DPY19L4: variants seen among roughly 807,000 people sequenced by gnomAD.
DPY19L4 encodes the protein dpy-19 like 4, also known as probable C-mannosyltransferase DPY19L4.
A neutral mutation model predicts 102.8 loss-of-function variants in DPY19L4; 97 were observed. The ratio of observed to expected loss-of-function variants is 0.94; its 90% CI spans 0.80 to 1.12. The LOEUF is 1.12. DPY19L4 is among the 50% of genes most tolerant of loss of function. The pLI, the probability that DPY19L4 is intolerant of heterozygous loss-of-function variation, is 0.00. For missense variants in DPY19L4, 815 were observed against 850.4 expected, an observed-to-expected ratio of 0.96 and a Z score of 0.52; for synonymous variants, 252 against 283.1, an observed-to-expected ratio of 0.89 and a Z score of 1.10.
chr8:94,768,352 A>G (rs778736335), intron 11 of DPY19L4, 43 bp from the exon 12 acceptor site: 1 of 1,500,442 alleles, frequency 6.7e-7, no homozygotes, highest in East Asian at 2.3e-5. Flanking sequence ...TGTTCAGTTT[A>G]AAACGTCTAT....
chr8:94,750,241 A>G (rs1225479100), intron 6 of DPY19L4, among the ~76,000 whole-genome samples: 1 of 152,172 alleles, frequency 6.6e-6, no homozygotes, highest in Non-Finnish European at 1.5e-5. Context: ...CGCGTGGTTC[A>G]TGTTTTAAAA....
intron 1 of DPY19L4, chr8:94,720,224 T>G (rs1230732263): frequency 1.0e-6 from 1 of 985,078 alleles, no homozygotes; most frequent in Non-Finnish European, 1.2e-6. Context: ...GTCGGCCGAA[T>G]TGGGAAGCAA....
intron 2 of DPY19L4, among the ~76,000 whole-genome samples, chr8:94,733,260 G>A (rs934824117): frequency 6.6e-6 from 1 of 151,286 alleles, no homozygotes; most frequent in South Asian, 2.1e-4. Flanking sequence ...AAGTAGCTGG[G>A]ACTACAGGCA....
rs747057110 is a variant in DPY19L4, at chr8:94,765,207, A to G, written c.895A>G (p.Ile299Val). ...GGTTTATGAAGTTTATAAAATCTAC[A>G]TATTTTCCCTCTTTCTGGGATATTT... Reference protein sequence around the residue: ...DKVYEVYKIYIFSLFLGYLLQ... With the variant: ...DKVYEVYKIYVFSLFLGYLLQ... The change falls in exon 9 of 19, where the codon ATA becomes GTA. Residue 299 changes from isoleucine to valine, a missense_variant. Transcript: ENST00000414645. 1.0e-5 allele frequency: 16 copies of G among 1,558,012 alleles called. No individual in the cohort carries two copies. The Admixed American group carries it at 2.8e-4, about 27-fold the overall frequency.
intron 6 of DPY19L4, among the ~76,000 whole-genome samples, chr8:94,741,140 T>C (rs924284884): frequency 1.3e-5 from 2 of 152,208 alleles, no homozygotes; most frequent in Non-Finnish European, 2.9e-5. Context: ...ATATTTTTCA[T>C]GTTCCATGAC....
intron 6 of DPY19L4, among the ~76,000 whole-genome samples, chr8:94,748,457 A>G (rs1312417948): frequency 1.3e-5 from 2 of 152,078 alleles, no homozygotes; most frequent in Non-Finnish European, 2.9e-5. Flanking sequence ...TGTCTTTTAG[A>G]AAGTTACCTT....
intron 1 of DPY19L4, among the ~76,000 whole-genome samples, chr8:94,721,944 A>G (rs1810477178): frequency 6.6e-6 from 1 of 151,988 alleles, no homozygotes; most frequent in African/African-American, 2.4e-5. Context: ...CCCCATCTCT[A>G]CTAAAAATAC....
intron 6 of DPY19L4, chr8:94,744,344 G>A (rs1371919789): frequency 2.2e-6 from 1 of 456,476 alleles, no homozygotes; most frequent in African/African-American, 2.0e-5. Context: ...TCTCCATAGG[G>A]CAGCATGCAA....
At chr8:94,721,980 G>A (rs1248400476) in intron 1 of DPY19L4, among the ~76,000 whole-genome samples, 2 of 152,132 alleles carry the variant, frequency 1.3e-5, no homozygotes, top group African/African-American at 4.8e-5. Context: ...GGAGTGGCAA[G>A]TGTCTGTAGT....
intron 13 of DPY19L4, among the ~76,000 whole-genome samples, chr8:94,774,584 T>C (rs1813085991): frequency 6.6e-6 from 1 of 151,130 alleles, no homozygotes; most frequent in Non-Finnish European, 1.5e-5. Context: ...TCTTTCTTTT[T>C]TTTTTTTTTT....
intron 7 of DPY19L4, among the ~76,000 whole-genome samples, chr8:94,761,046 C>A (rs936204876): frequency 3.9e-5 from 6 of 152,162 alleles, no homozygotes; most frequent in Non-Finnish European, 7.3e-5. Context: ...TGTAAGCAGA[C>A]TATTTAAATG....
chr8:94,750,750 A>G (rs1020707145), intron 6 of DPY19L4, among the ~76,000 whole-genome samples: 1 of 152,028 alleles, frequency 6.6e-6, no homozygotes, highest in Non-Finnish European at 1.5e-5. Flanking sequence ...AACACAATCA[A>G]TATAATAAAC....
intron 6 of DPY19L4, among the ~76,000 whole-genome samples, chr8:94,745,803 A>G (rs1198784009): frequency 1.3e-5 from 2 of 152,096 alleles, no homozygotes; most frequent in Admixed American, 6.6e-5. Context: ...TTCACAGGCT[A>G]GAGTGCAATA....
intron 13 of DPY19L4, among the ~76,000 whole-genome samples, chr8:94,773,312 A>T (rs1813013890): frequency 6.6e-6 from 1 of 151,860 alleles, no homozygotes; most frequent in Non-Finnish European, 1.5e-5. Context: ...ATCTTTCTTT[A>T]ATAGAGGAAA....
intron 13 of DPY19L4, among the ~76,000 whole-genome samples, chr8:94,776,505 TAA>T (rs1359445438): frequency 6.4e-5 from 9 of 141,256 alleles, no homozygotes; most frequent in African/African-American, 1.0e-4. Context: ...ATATCTACAT[TAA>T]AAAAAAAAAA....
At chr8:94,726,209 A>G (rs1352584860) in intron 1 of DPY19L4, 122 bp from the exon 2 acceptor site, 2 of 618,426 alleles carry the variant, frequency 3.2e-6, no homozygotes, top group Non-Finnish European at 5.0e-6. Context: ...TGAAAAGGTT[A>G]TCTTTGATAC....
chr8:94,736,401 T>TA (rs1224798211), intron 3 of DPY19L4, among the ~76,000 whole-genome samples: 5 of 152,210 alleles, frequency 3.3e-5, no homozygotes, highest in Admixed American at 6.5e-5. Context: ...TGAAAAGTCT[T>TA]ACAATAAAGC....
intron 2 of DPY19L4, among the ~76,000 whole-genome samples, chr8:94,728,830 G>C (rs566697210): frequency 6.6e-6 from 1 of 152,116 alleles, no homozygotes; most frequent in Non-Finnish European, 1.5e-5. Flanking sequence ...ATTTGTAAGT[G>C]GGAATAAAGA....
chr8:94,735,879 T>G (rs1301463150), intron 3 of DPY19L4, among the ~76,000 whole-genome samples: 2 of 152,188 alleles, frequency 1.3e-5, no homozygotes, highest in Non-Finnish European at 2.9e-5. Flanking sequence ...CTTTGAAATC[T>G]TAGAAACAAG....
Sources: gnomAD v4.1 joint callset for allele counts (sites outside exome capture counted in the v4.1 genomes callset) on GRCh38, gnomAD v4.1.1 for gene constraint, MANE v1.5 for transcripts, NCBI Gene and HGNC (gene_info 2026-07-23, HGNC 2026-07-21) for gene names.